PDE7B: variants seen among roughly 807,000 people sequenced by gnomAD.
PDE7B encodes 3',5'-cyclic-AMP phosphodiesterase 7B.
Under a neutral mutation model 56.2 loss-of-function variants are expected in PDE7B, and 29 were observed. The observed-to-expected ratio is 0.52, with a 90% CI of 0.38 to 0.70. PDE7B has a LOEUF of 0.70. PDE7B is among the 30% of genes least tolerant of loss of function. PDE7B has a pLI of 0.00. For missense variants in PDE7B, 490 were observed against 565.0 expected, an observed-to-expected ratio of 0.87 and a Z score of 1.35; for synonymous variants, 197 against 196.9, an observed-to-expected ratio of 1.00 and a Z score of 0.00.
rs1779235893 is a variant in PDE7B at position 136,191,924 on chromosome 6, C to A, written c.*84C>A. 9.9e-7 allele frequency: 1 copy of A among 1,008,984 alleles called. No homozygotes were observed. The allele number at this position is 1,008,984 out of a possible 1,614,324, so 62.5% of individuals were successfully genotyped here. ...GCGTGGAGGGGCCCTCACGCAGCAGCCCAGCCACTTTCTGAGTGTTGTCCT... is the reference window on the plus strand; with the variant it reads ...GCGTGGAGGGGCCCTCACGCAGCAGACCAGCCACTTTCTGAGTGTTGTCCT... On this transcript the variant is annotated 3_prime_UTR_variant, in exon 13 of 13. Transcript: ENST00000308191.
intron 2 of PDE7B, among the ~76,000 whole-genome samples, chr6:136,081,367 T>A (rs1278670204): frequency 6.6e-6 from 1 of 152,188 alleles, no homozygotes; most frequent in Non-Finnish European, 1.5e-5. Context: ...CAAGATCTGA[T>A]GACCAAATGG....
At chr6:136,078,821 A>G (rs1335909937) in intron 2 of PDE7B, among the ~76,000 whole-genome samples, 1 of 152,182 alleles carries the variant, frequency 6.6e-6, no homozygotes. Context: ...TAGCCTTATA[A>G]TTTAAAAAAA....
chr6:136,190,256 A>G (rs993091080), intron 12 of PDE7B, among the ~76,000 whole-genome samples: 1 of 152,174 alleles, frequency 6.6e-6, no homozygotes, highest in Non-Finnish European at 1.5e-5. Context: ...CAAAATTCCA[A>G]ATACAGACAT....
chr6:136,005,625 C>G (rs1346919656), intron 2 of PDE7B, among the ~76,000 whole-genome samples: 1 of 152,168 alleles, frequency 6.6e-6, no homozygotes, highest in Non-Finnish European at 1.5e-5. Context: ...CACTGGCCAT[C>G]AGAGAAATGC....
chr6:136,009,740 C>T (rs539894494), intron 2 of PDE7B, among the ~76,000 whole-genome samples: 10 of 152,260 alleles, frequency 6.6e-5, no homozygotes, highest in South Asian at 2.1e-4. Context: ...TGGGCTAAGA[C>T]GATGGGGTTT....
At chr6:136,070,769 A>G (rs1396272368) in intron 2 of PDE7B, among the ~76,000 whole-genome samples, 1 of 152,166 alleles carries the variant, frequency 6.6e-6, no homozygotes, top group Non-Finnish European at 1.5e-5. Flanking sequence ...AAAATACCAT[A>G]ATAGATTGAT....
chr6:135,918,043 A>G (rs1372799603), intron 1 of PDE7B, among the ~76,000 whole-genome samples: 1 of 152,092 alleles, frequency 6.6e-6, no homozygotes, highest in East Asian at 1.9e-4. Flanking sequence ...GGAGGTTAAT[A>G]TTTGTCCAAG....
At chr6:135,914,525 G>A (rs1249162571) in intron 1 of PDE7B, among the ~76,000 whole-genome samples, 1 of 15,422 alleles carries the variant, frequency 6.5e-5, no homozygotes, top group Non-Finnish European at 8.5e-5. Flanking sequence ...ACGGAGTCTC[G>A]CTCTGTCGCC....
At chr6:136,027,999 T>C (rs1776182495) in intron 2 of PDE7B, among the ~76,000 whole-genome samples, 1 of 152,176 alleles carries the variant, frequency 6.6e-6, no homozygotes, top group South Asian at 2.1e-4. Flanking sequence ...TCACCATGCT[T>C]TATAGTTAGT....
intron 3 of PDE7B, among the ~76,000 whole-genome samples, chr6:136,130,909 G>T (rs1000481570): frequency 2.0e-5 from 3 of 152,128 alleles, no homozygotes; most frequent in African/African-American, 7.2e-5. Flanking sequence ...GATCTCATGA[G>T]ACTTATTTAT....
At chr6:136,184,064 C>A (rs1254143134) in intron 11 of PDE7B, among the ~76,000 whole-genome samples, 1 of 152,212 alleles carries the variant, frequency 6.6e-6, no homozygotes, top group Non-Finnish European at 1.5e-5. Flanking sequence ...TTTTATTGAA[C>A]ATCTGCTTCC....
intron 2 of PDE7B, among the ~76,000 whole-genome samples, chr6:136,006,418 T>A (rs1403140299): frequency 6.6e-6 from 1 of 151,970 alleles, no homozygotes; most frequent in Non-Finnish European, 1.5e-5. Flanking sequence ...TCCATATGAA[T>A]TTTTAAATCA....
At chr6:136,191,557 GAGT>G in intron 12 of PDE7B, 54 bp from the exon 13 acceptor site, 1 of 1,404,916 alleles carries the variant, frequency 7.1e-7, no homozygotes, top group South Asian at 1.2e-5. Context: ...GCTCGGGAGG[GAGT>G]AAGGAGCGGG....
intron 2 of PDE7B, chr6:136,070,121 G>C (rs1053828121): frequency 6.6e-6 from 1 of 150,700 alleles, no homozygotes; most frequent in African/African-American, 2.4e-5. Flanking sequence ...CAGCTGCACT[G>C]TATCTTAAAG....
At chr6:135,988,919 G>A (rs1033317268) in intron 2 of PDE7B, among the ~76,000 whole-genome samples, 3 of 152,102 alleles carry the variant, frequency 2.0e-5, no homozygotes, top group South Asian at 2.1e-4. Context: ...AATCTCAATC[G>A]AAAATAAAAT....
chr6:135,992,483 G>A (rs1002599742), intron 2 of PDE7B, among the ~76,000 whole-genome samples: 6 of 152,120 alleles, frequency 3.9e-5, no homozygotes, highest in Non-Finnish European at 8.8e-5. Flanking sequence ...ATATGTTAAA[G>A]TTCAAATCAA....
chr6:135,990,543 G>A (rs1389907765), intron 2 of PDE7B, among the ~76,000 whole-genome samples: 1 of 152,224 alleles, frequency 6.6e-6, no homozygotes, highest in Non-Finnish European at 1.5e-5. Context: ...AACAGAACCT[G>A]CTACAACCTG....
chr6:135,925,464 G>T (rs1269651263), intron 1 of PDE7B, among the ~76,000 whole-genome samples: 2 of 152,038 alleles, frequency 1.3e-5, no homozygotes, highest in East Asian at 1.9e-4. Flanking sequence ...TTGCAAAACT[G>T]AGCTTCTTCT....
intron 11 of PDE7B, among the ~76,000 whole-genome samples, chr6:136,182,817 T>C (rs574002543): frequency 1.3e-5 from 2 of 152,320 alleles, no homozygotes; most frequent in African/African-American, 4.8e-5. Flanking sequence ...CTCATGCCTG[T>C]AATCCCAGCA....
Sources: gnomAD v4.1 joint callset for allele counts (sites outside exome capture counted in the v4.1 genomes callset) on GRCh38, gnomAD v4.1.1 for gene constraint, MANE v1.5 for transcripts, NCBI Gene and HGNC (gene_info 2026-07-23, HGNC 2026-07-21) for gene names.